The following FKBP7 variants were observed in gnomAD, a reference collection of about 807,000 sequenced individuals.
FKBP7 encodes the protein FKBP prolyl isomerase 7.
A neutral mutation model predicts 24.3 loss-of-function variants in FKBP7; 24 were observed. The ratio of observed to expected loss-of-function variants is 0.99; its 90% CI spans 0.72 to 1.39. FKBP7 has a LOEUF of 1.39. FKBP7 is among the 40% of genes most tolerant of loss of function. The pLI, the probability that FKBP7 is intolerant of heterozygous loss-of-function variation, is 0.00. For missense variants in FKBP7, 257 were observed against 269.5 expected (o/e 0.95, Z 0.33); for synonymous variants, 98 against 92.8 (o/e 1.06, Z -0.32).
intron 2 of FKBP7, 59 bp downstream of exon 2, chr2:178,477,003 A>G (rs914070557): frequency 1.6e-6 from 2 of 1,280,974 alleles, no homozygotes; most frequent in African/African-American, 3.1e-5. Flanking sequence ...TATACCCAGA[A>G]ATCTATTAAT....
chr2:178,469,362 T>C (rs1684781665), intron 3 of FKBP7, among the ~76,000 whole-genome samples: 1 of 152,174 alleles, frequency 6.6e-6, no homozygotes, highest in Admixed American at 6.6e-5. Flanking sequence ...GAAAAAGAGA[T>C]ATGCTAGTGT....
chr2:178,468,238 C>T (rs1441649713), intron 3 of FKBP7, among the ~76,000 whole-genome samples: 1 of 152,192 alleles, frequency 6.6e-6, no homozygotes, highest in Non-Finnish European at 1.5e-5. Context: ...AGCTGGTTTA[C>T]TAATTTTAAG....
intron 2 of FKBP7, among the ~76,000 whole-genome samples, chr2:178,472,030 A>G (rs1206756132): frequency 1.3e-5 from 2 of 152,068 alleles, no homozygotes; most frequent in Non-Finnish European, 2.9e-5. Flanking sequence ...TCTCCTGACA[A>G]TAATTCAAGG....
intron 2 of FKBP7, among the ~76,000 whole-genome samples, chr2:178,471,922 C>A (rs1319313161): frequency 1.3e-5 from 2 of 152,144 alleles, no homozygotes; most frequent in Non-Finnish European, 2.9e-5. Flanking sequence ...CCACATATTA[C>A]CTGACTTTAG....
Position 178,465,760 on chromosome 2 carries a change from T to C in FKBP7, c.*10A>G, listed in dbSNP as rs372605165. Reference sequence around the variant, plus strand: ...AATAGCTAAAAAAAAAAAGTAGAAATACAAATATGCTATAGTTCATCGTGT... The same window carrying C: ...AATAGCTAAAAAAAAAAAGTAGAAACACAAATATGCTATAGTTCATCGTGT... On this transcript the variant is annotated 3_prime_UTR_variant, in exon 4 of 4. Coordinates refer to ENST00000424785, the MANE Select transcript of FKBP7 (RefSeq NM_181342.3). 35 of 1,540,132 alleles carry C rather than the reference T, an allele frequency of 2.3e-5. No homozygotes were observed. The African/African-American group carries it at 3.9e-4, about 17-fold the overall frequency.
At chr2:178,471,086 A>G (rs1044336763) in intron 2 of FKBP7, among the ~76,000 whole-genome samples, 1 of 151,878 alleles carries the variant, frequency 6.6e-6, no homozygotes, top group African/African-American at 2.4e-5. Flanking sequence ...GCTAGTCTTG[A>G]ACTCCTGACC....
chr2:178,477,769 A>G (rs909162150), intron 1 of FKBP7, among the ~76,000 whole-genome samples: 5 of 152,190 alleles, frequency 3.3e-5, no homozygotes, highest in Non-Finnish European at 5.9e-5. Flanking sequence ...CTGAGTAATA[A>G]GCCATCAATT....
At chr2:178,471,831 G>C (rs1684853671) in intron 2 of FKBP7, among the ~76,000 whole-genome samples, 1 of 152,162 alleles carries the variant, frequency 6.6e-6, no homozygotes, top group Non-Finnish European at 1.5e-5. Flanking sequence ...AGGAGTAGCA[G>C]ATTAGTAGTT....
At position 178,477,213 on chromosome 2, in the gene FKBP7, G is replaced by A; in HGVS notation, c.222C>T (p.Ser74=). The change falls in exon 2 of 4, where the codon AGC becomes AGT. Residue 74 remains serine (S), a splice_region_variant and synonymous_variant. Coordinates refer to ENST00000424785, the MANE Select transcript of FKBP7 (RefSeq NM_181342.3). Reference sequence around the variant, plus strand: ...TGGGGTGGCCTTCATTTTGTGTCCGGCTATAACAAAAAGCAATACTTAAGT... The same window carrying A: ...TGGGGTGGCCTTCATTTTGTGTCCGACTATAACAAAAAGCAATACTTAAGT... ...LAKDGSKFYC[S]RTQNEGHPKW... The A allele has an allele frequency of 6.2e-7, 1 of 1,607,164 alleles. No homozygotes were observed. Among genetic ancestry groups the A allele is most frequent in the South Asian group, 1.1e-5 (1 of 89,266 alleles).
chr2:178,465,988 A>G lies in FKBP7; in HGVS notation c.508-57T>C, dbSNP rs950110095. On this transcript the variant is annotated intron_variant, in intron 3 of 3. Transcript: ENST00000424785. The stretch of plus-strand genomic sequence containing the variant: ...AAAGGTATCACAGTGAATTTCCAGT[A>G]ACTTTAAGGAATAGTTATAATAATG... 5.0e-6 allele frequency: 7 copies of G among 1,399,218 alleles called. No individual in the cohort carries two copies. In the African/African-American group the frequency reaches 7.3e-5, roughly 15 times the overall value. The allele number at this position is 1,399,218 out of a possible 1,614,324, so 86.7% of individuals were successfully genotyped here. A position where few individuals can be genotyped will look rare whatever the true frequency, so the allele number is the denominator to read the frequency against.
chr2:178,471,968 T>C lies in FKBP7; in HGVS notation c.374-2183A>G, dbSNP rs576856992. 5.3e-5 allele frequency among the ~76,000 whole-genome samples: 8 copies of C among 152,324 alleles called. No individual in the cohort carries two copies. In the East Asian group the frequency reaches 1.5e-3, roughly 29 times the overall value. Reference sequence around the variant, plus strand: ...CTAGAGATTGAGTCAATGATTGTTTTATAAAACCCATTCCTATTTTTTCCA... The same window carrying C: ...CTAGAGATTGAGTCAATGATTGTTTCATAAAACCCATTCCTATTTTTTCCA... On this transcript the variant is annotated intron_variant, in intron 2 of 3. Coordinates refer to ENST00000424785, the MANE Select transcript of FKBP7 (RefSeq NM_181342.3).
At chr2:178,467,313 G>A (rs747084063) in intron 3 of FKBP7, among the ~76,000 whole-genome samples, 5 of 151,940 alleles carry the variant, frequency 3.3e-5, no homozygotes, top group Non-Finnish European at 7.4e-5. Context: ...CGTCCTTTCC[G>A]TCTTTATTAA....
chr2:178,475,130 T>G (rs574841638), intron 2 of FKBP7, among the ~76,000 whole-genome samples: 1 of 152,220 alleles, frequency 6.6e-6, no homozygotes, highest in Non-Finnish European at 1.5e-5. Flanking sequence ...TCCAACCTTT[T>G]GCCACCCTCC....
intron 3 of FKBP7, among the ~76,000 whole-genome samples, chr2:178,467,201 G>A (rs1684691079): frequency 6.6e-6 from 1 of 152,146 alleles, no homozygotes; most frequent in Admixed American, 6.5e-5. Context: ...CTACAGTACA[G>A]AGGTACAAAA....
chr2:178,475,724 GT>G (rs1344967781), intron 2 of FKBP7, among the ~76,000 whole-genome samples: 5 of 152,134 alleles, frequency 3.3e-5, no homozygotes, highest in Non-Finnish European at 7.4e-5. Flanking sequence ...GCCATTTGTA[GT>G]TTTTTGTTAG....
chr2:178,477,769 A>T (rs909162150), intron 1 of FKBP7, among the ~76,000 whole-genome samples: 1 of 152,190 alleles, frequency 6.6e-6, no homozygotes, highest in African/African-American at 2.4e-5. Context: ...CTGAGTAATA[A>T]GCCATCAATT....
chr2:178,465,736 A>G lies in FKBP7; in HGVS notation c.*34T>C. 6.6e-7 allele frequency: 1 copy of G among 1,515,098 alleles called. No homozygotes were observed. Among genetic ancestry groups the G allele is most frequent in the Non-Finnish European group, 8.8e-7 (1 of 1,139,492 alleles). 93.9% of individuals were successfully genotyped at this position (1,515,098 alleles called of 1,614,324 possible). A position where few individuals can be genotyped will look rare whatever the true frequency, so the allele number is the denominator to read the frequency against. ...TTGTTTTATACATAAAGTACAGTAAATAGCTAAAAAAAAAAAGTAGAAATA... is the reference window on the plus strand; with the variant it reads ...TTGTTTTATACATAAAGTACAGTAAGTAGCTAAAAAAAAAAAGTAGAAATA... On this transcript the variant is annotated 3_prime_UTR_variant, in exon 4 of 4. Transcript: ENST00000424785.
chr2:178,466,661 T>C (rs1461053215), intron 3 of FKBP7, among the ~76,000 whole-genome samples: 1 of 152,168 alleles, frequency 6.6e-6, no homozygotes, highest in African/African-American at 2.4e-5. Flanking sequence ...ATCGATCTCA[T>C]ATTGAAATGG....
At chr2:178,469,527 C>T (rs1033669764) in intron 3 of FKBP7, 125 bp downstream of exon 3, 1 of 973,138 alleles carries the variant, frequency 1.0e-6, no homozygotes, top group Non-Finnish European at 1.6e-6. Flanking sequence ...TTTTAGTGAC[C>T]AGCTCTATAA....
Sources: gnomAD v4.1 joint callset for allele counts (sites outside exome capture counted in the v4.1 genomes callset) on GRCh38, gnomAD v4.1.1 for gene constraint, MANE v1.5 for transcripts, NCBI Gene and HGNC (gene_info 2026-07-23, HGNC 2026-07-21) for gene names.